CTDSPL2: variants seen among roughly 807,000 people sequenced by gnomAD.
CTDSPL2 encodes CTD small phosphatase-like protein 2.
In CTDSPL2, 5 loss-of-function variants were observed where a neutral mutation model predicts 60.0. That is an observed-to-expected ratio of 0.08 (90% CI 0.04 to 0.18). The LOEUF is 0.18. Among genes scored for constraint, CTDSPL2 ranks in the 10% least tolerant of loss-of-function variants. The pLI, the probability that CTDSPL2 is intolerant of heterozygous loss-of-function variation, is 1.00. For synonymous variants in CTDSPL2, 186 were observed against 189.3 expected (o/e 0.98, Z 0.14); for missense variants, 370 against 548.8 (o/e 0.67, Z 3.26).
At chr15:44,471,606 ATAGTT>A (rs1180340085) in intron 2 of CTDSPL2, among the ~76,000 whole-genome samples, 6 of 152,160 alleles carry the variant, frequency 3.9e-5, no homozygotes, top group South Asian at 2.1e-4. Flanking sequence ...GTAATATAGT[ATAGTT>A]AAGTATAGGC....
intron 2 of CTDSPL2, 70 bp from the exon 3 acceptor site, chr15:44,484,154 A>T: frequency 7.3e-7 from 1 of 1,368,370 alleles, no homozygotes; most frequent in Non-Finnish European, 1.0e-6. Context: ...GTATTTTTTC[A>T]TTTTAATATT....
At chr15:44,466,474 A>C (rs1428776857) in intron 2 of CTDSPL2, among the ~76,000 whole-genome samples, 1 of 152,184 alleles carries the variant, frequency 6.6e-6, no homozygotes, top group Non-Finnish European at 1.5e-5. Context: ...CACACACACA[A>C]GCATGTATTT....
chr15:44,461,573 CTTTTTTTT>C (rs35540014), intron 2 of CTDSPL2, among the ~76,000 whole-genome samples: 4 of 125,656 alleles, frequency 3.2e-5, no homozygotes, highest in Non-Finnish European at 5.0e-5. Context: ...GTTTCTCTCC[CTTTTTTTT>C]TTTTTTTTTT....
intron 8 of CTDSPL2, among the ~76,000 whole-genome samples, chr15:44,507,110 C>T (rs776682712): frequency 6.8e-5 from 10 of 146,828 alleles, no homozygotes; most frequent in Non-Finnish European, 1.0e-4. Context: ...AAGACTGAGT[C>T]TCGCTACTCT....
At position 44,501,020 on chromosome 15, in the gene CTDSPL2, G is replaced by A. The variant is rs192958355; in HGVS notation, c.969+1207G>A. Among the ~76,000 whole-genome samples, 389 of 152,154 alleles carry A rather than the reference G, an allele frequency of 2.6e-3. 3 individuals carry two copies. Among genetic ancestry groups the A allele is most frequent in the Admixed American group, 0.012 (180 of 15,280 alleles). On this transcript the variant is annotated intron_variant, in intron 8 of 12. Transcript: ENST00000260327. Reference sequence around the variant, plus strand: ...CAAAACTGATGATTATTTGGTTTAAGGCAAGTATTTTTCTTAAGACCTTTT... The same window carrying A: ...CAAAACTGATGATTATTTGGTTTAAAGCAAGTATTTTTCTTAAGACCTTTT...
intron 5 of CTDSPL2, among the ~76,000 whole-genome samples, chr15:44,492,813 T>A (rs1232803000): frequency 6.6e-6 from 1 of 152,222 alleles, no homozygotes; most frequent in Non-Finnish European, 1.5e-5. Context: ...TATTTGCAAT[T>A]TAACCCACCT....
At chr15:44,489,252 A>G (rs1319223914) in intron 4 of CTDSPL2, among the ~76,000 whole-genome samples, 1 of 151,556 alleles carries the variant, frequency 6.6e-6, no homozygotes, top group African/African-American at 2.4e-5. Context: ...GCCTGCAACT[A>G]GGGTCTGAGA....
At chr15:44,511,615 A>T (rs941745931) in intron 8 of CTDSPL2, among the ~76,000 whole-genome samples, 1 of 152,164 alleles carries the variant, frequency 6.6e-6, no homozygotes, top group Admixed American at 6.5e-5. Flanking sequence ...TGATGCCTGT[A>T]ATACCTCCCC....
intron 2 of CTDSPL2, among the ~76,000 whole-genome samples, chr15:44,462,819 C>T (rs1035162250): frequency 4.2e-5 from 6 of 142,704 alleles, no homozygotes; most frequent in Non-Finnish European, 7.5e-5. Flanking sequence ...CGATCCTTTT[C>T]CTCAGCATCC....
At chr15:44,463,224 C>T (rs2080612107) in intron 2 of CTDSPL2, among the ~76,000 whole-genome samples, 1 of 152,220 alleles carries the variant, frequency 6.6e-6, no homozygotes, top group Admixed American at 6.5e-5. Context: ...TCACTGCAAC[C>T]TCCGCCTCTT....
At chr15:44,483,154 G>T (rs779143617) in intron 2 of CTDSPL2, among the ~76,000 whole-genome samples, 1 of 152,040 alleles carries the variant, frequency 6.6e-6, no homozygotes, top group Non-Finnish European at 1.5e-5. Flanking sequence ...AGCTACTCGG[G>T]AGGCTCAGGC....
In CTDSPL2 at chr15:44,499,802, G is replaced by A; in HGVS notation, c.958G>A (p.Val320Ile). ...ALTFPVLFQDVIYQVYVRLRP... is the reference protein window; with the variant it reads ...ALTFPVLFQDIIYQVYVRLRP... ...TACTTTTCCAGTCCTTTTCCAAGAT[G>A]TCATTTATCAGGTAATTAAAATTTT... is the stretch of plus-strand genomic sequence containing the variant. Residue 320 changes from valine (V) to isoleucine (I), a missense_variant, in exon 8 of 13, where the codon GTC (valine) becomes ATC (isoleucine). Around this residue, in one of 6 missense-constraint regions of CTDSPL2, gnomAD observed 21 missense variants for 42.1 expected, o/e 0.50. Coordinates refer to ENST00000260327, the MANE Select transcript of CTDSPL2 (RefSeq NM_016396.3). 3.1e-6 allele frequency: 5 copies of A among 1,601,382 alleles called. No individual in the cohort carries two copies. The highest frequency in any genetic ancestry group is 4.3e-6 in the Non-Finnish European group (5 of 1,170,258).
At chr15:44,469,549 C>T (rs1180189570) in intron 2 of CTDSPL2, among the ~76,000 whole-genome samples, 1 of 151,236 alleles carries the variant, frequency 6.6e-6, no homozygotes, top group East Asian at 1.9e-4. Flanking sequence ...TTATTTTGAC[C>T]CATGGATTAT....
chr15:44,487,043 C>G (rs1309124625), intron 4 of CTDSPL2, among the ~76,000 whole-genome samples: 1 of 152,160 alleles, frequency 6.6e-6, no homozygotes, highest in Non-Finnish European at 1.5e-5. Context: ...GCTGGAATTA[C>G]AGATGTGAGC....
intron 12 of CTDSPL2, among the ~76,000 whole-genome samples, chr15:44,522,959 G>C (rs968705691): frequency 1.3e-5 from 2 of 151,962 alleles, no homozygotes; most frequent in African/African-American, 4.8e-5. Context: ...ATGAAACTTT[G>C]GCAGGATGTA....
At chr15:44,487,434 A>G (rs1309462764) in intron 4 of CTDSPL2, among the ~76,000 whole-genome samples, 3 of 152,126 alleles carry the variant, frequency 2.0e-5, no homozygotes, top group Non-Finnish European at 4.4e-5. Flanking sequence ...GTACCACTGC[A>G]CTCAAGCTTG....
At chr15:44,457,446 T>C (rs772297594) in intron 1 of CTDSPL2, among the ~76,000 whole-genome samples, 7 of 152,222 alleles carry the variant, frequency 4.6e-5, no homozygotes, top group Non-Finnish European at 4.4e-5. Flanking sequence ...ACTTTTCTTA[T>C]GCAGCTTCTT....
rs1331963251 is a variant in CTDSPL2 at position 44,431,692 on chromosome 15, T to TTTTG, written c.-25+3944_-25+3947dup. Among the ~76,000 whole-genome samples, 271 of 146,318 alleles carry TTTTG rather than the reference T, an allele frequency of 1.9e-3. 2 individuals carry two copies. Among genetic ancestry groups the TTTTG allele is most frequent in the Middle Eastern group, 3.5e-3 (1 of 286 alleles). Reference sequence around the variant, plus strand: ...TAAGGAAACATAGGAGAGTTAAGTTTTTTGTTTGTTTGTTTGTTTGTTTGT... The same window carrying TTTTG: ...TAAGGAAACATAGGAGAGTTAAGTTTTTTGTTTGTTTGTTTGTTTGTTTGTTTGT... On this transcript the variant is annotated intron_variant, in intron 1 of 12. Transcript: ENST00000260327.
At chr15:44,428,804 TG>T (rs1334091689) in intron 1 of CTDSPL2, among the ~76,000 whole-genome samples, 1 of 152,198 alleles carries the variant, frequency 6.6e-6, no homozygotes, top group Admixed American at 6.5e-5. Flanking sequence ...TTTTCGTTCC[TG>T]GTCCATTTTT....
Sources: gnomAD v4.1 joint callset for allele counts (sites outside exome capture counted in the v4.1 genomes callset) on GRCh38, gnomAD v4.1.1 for gene constraint, gnomAD v4.1.1 regional missense constraint, MANE v1.5 for transcripts, NCBI Gene and HGNC (gene_info 2026-07-23, HGNC 2026-07-21) for gene names.